The following PACRG variants were observed in gnomAD, a reference collection of about 807,000 sequenced individuals.
PACRG encodes parkin coregulated gene protein.
In PACRG, 29 loss-of-function variants were observed where a neutral mutation model predicts 29.7. That is an observed-to-expected ratio of 0.98 (90% CI 0.73 to 1.33). The LOEUF (loss-of-function observed/expected upper bound fraction) is 1.33. Ranked by LOEUF, PACRG falls within the 40% of genes most tolerant of loss-of-function variation. The pLI, the probability that PACRG is intolerant of heterozygous loss-of-function variation, is 0.00. For synonymous variants in PACRG, 116 were observed against 118.7 expected, an observed-to-expected ratio of 0.98 and a Z score of 0.15; for missense variants, 279 against 316.2, an observed-to-expected ratio of 0.88 and a Z score of 0.89.
At chr6:162,815,333 G>T (rs1367057924) in intron 2 of PACRG, among the ~76,000 whole-genome samples, 1 of 150,954 alleles carries the variant, frequency 6.6e-6, no homozygotes, top group Non-Finnish European at 1.5e-5. Context: ...AAAGTAAATA[G>T]CTTAAAAAGG....
chr6:163,211,371 G>C (rs1485118902), intron 4 of PACRG, among the ~76,000 whole-genome samples: 1 of 152,196 alleles, frequency 6.6e-6, no homozygotes, highest in African/African-American at 2.4e-5. Context: ...TAAAGGGACA[G>C]ATAGCTGAGG....
At chr6:162,783,601 C>A (rs181913097) in intron 1 of PACRG, among the ~76,000 whole-genome samples, 1 of 151,932 alleles carries the variant, frequency 6.6e-6, no homozygotes, top group Non-Finnish European at 1.5e-5. Flanking sequence ...TTAACCAAAT[C>A]TCTATGTGGA....
chr6:162,917,922 A>T (rs753021513), intron 2 of PACRG, among the ~76,000 whole-genome samples: 2 of 152,192 alleles, frequency 1.3e-5, no homozygotes, highest in African/African-American at 4.8e-5. Context: ...TTTTAGACTG[A>T]TGTACCATTC....
chr6:162,885,759 T>TGC (rs1203532653), intron 2 of PACRG, among the ~76,000 whole-genome samples: 2 of 151,840 alleles, frequency 1.3e-5, no homozygotes, highest in Admixed American at 6.6e-5. Flanking sequence ...TGTGTGTGCG[T>TGC]GCACACGTGC....
chr6:163,079,117 A>G (rs1812830900), intron 3 of PACRG, among the ~76,000 whole-genome samples: 1 of 152,170 alleles, frequency 6.6e-6, no homozygotes, highest in Non-Finnish European at 1.5e-5. Context: ...CACTGTAAGG[A>G]GTAATGAGAT....
chr6:162,818,615 A>G (rs1176570949), intron 2 of PACRG, among the ~76,000 whole-genome samples: 6 of 152,228 alleles, frequency 3.9e-5, no homozygotes, highest in Non-Finnish European at 1.5e-5. Context: ...AGAAATAACT[A>G]TATCATATTA....
At chr6:163,075,147 C>G (rs946786285) in intron 3 of PACRG, among the ~76,000 whole-genome samples, 2 of 152,102 alleles carry the variant, frequency 1.3e-5, no homozygotes, top group African/African-American at 2.4e-5. Flanking sequence ...TTGAATTGTT[C>G]ATGAAATGAT....
intron 2 of PACRG, among the ~76,000 whole-genome samples, chr6:162,905,527 T>C (rs1176915461): frequency 2.0e-5 from 3 of 152,122 alleles, no homozygotes; most frequent in Non-Finnish European, 2.9e-5. Context: ...AATAAAGAGA[T>C]TGAAGCCGAG....
chr6:163,114,860 CAA>C (rs35202954), intron 4 of PACRG, among the ~76,000 whole-genome samples: 35 of 126,934 alleles, frequency 2.8e-4, no homozygotes, highest in South Asian at 2.4e-4. Context: ...TTCTCAGCAT[CAA>C]AAAAAAAAAA....
intron 2 of PACRG, among the ~76,000 whole-genome samples, chr6:162,880,714 TAA>T (rs1282409970): frequency 2.6e-5 from 4 of 152,242 alleles, no homozygotes; most frequent in Admixed American, 6.5e-5. Context: ...TAAATTTCTA[TAA>T]ACTGTTGTGC....
At chr6:163,037,478 G>A (rs958702156) in intron 2 of PACRG, among the ~76,000 whole-genome samples, 5 of 152,204 alleles carry the variant, frequency 3.3e-5, no homozygotes, top group African/African-American at 1.2e-4. Context: ...CATAGCACCT[G>A]CTGACTGTTG....
At chr6:162,761,860 C>G (rs1452216144) in intron 1 of PACRG, among the ~76,000 whole-genome samples, 1 of 148,194 alleles carries the variant, frequency 6.7e-6, no homozygotes, top group Non-Finnish European at 1.5e-5. Flanking sequence ...TTGCTTGAAC[C>G]AGGGAGATGG....
intron 2 of PACRG, among the ~76,000 whole-genome samples, chr6:162,847,448 A>T (rs1394171592): frequency 6.6e-6 from 1 of 151,388 alleles, no homozygotes; most frequent in Admixed American, 6.6e-5. Context: ...ATGTTACTAT[A>T]GTTTGTAATA....
intron 4 of PACRG, among the ~76,000 whole-genome samples, chr6:163,128,513 T>C (rs1294263726): frequency 6.6e-6 from 1 of 152,224 alleles, no homozygotes; most frequent in Non-Finnish European, 1.5e-5. Flanking sequence ...GGCTGAGCTT[T>C]TTTAAAAATT....
At chr6:163,187,954 T>C (rs1585313887) in intron 4 of PACRG, 1 of 152,090 alleles carries the variant, frequency 6.6e-6, no homozygotes, top group Non-Finnish European at 1.5e-5. Context: ...ACCAAATAAA[T>C]TGTCCACTCT....
In PACRG at chr6:163,196,630, T is replaced by G. The variant is rs982056166; in HGVS notation, c.613+107222T>G. 5.8e-4 allele frequency among the ~76,000 whole-genome samples: 88 copies of G among 152,304 alleles called. 1 individual carries two copies. Among genetic ancestry groups the G allele is most frequent in the African/African-American group, 1.8e-3 (76 of 41,560 alleles). On this transcript the variant is annotated intron_variant, in intron 4 of 4. Transcript: ENST00000366888. Reference sequence around the variant, plus strand: ...TTGACAGAATTCAGTGAGACTTCAGTGATGGTTTCTTGAAAGAGTCACTTA... The same window carrying G: ...TTGACAGAATTCAGTGAGACTTCAGGGATGGTTTCTTGAAAGAGTCACTTA...
At chr6:163,208,716 C>G (rs80302526) in intron 4 of PACRG, among the ~76,000 whole-genome samples, 5,548 of 152,200 alleles carry the variant, frequency 0.036, 132 homozygotes, top group Non-Finnish European at 0.058. Context: ...TGTGAACTAA[C>G]TTGGAGAAAG....
chr6:163,231,356 C>T (rs140677982), intron 4 of PACRG, among the ~76,000 whole-genome samples: 22 of 152,334 alleles, frequency 1.4e-4, no homozygotes, highest in Non-Finnish European at 7.3e-5. Flanking sequence ...TTAATCACAT[C>T]CTGCTCGAAC....
chr6:163,241,577 C>T (rs575862906), intron 4 of PACRG, among the ~76,000 whole-genome samples: 1 of 152,244 alleles, frequency 6.6e-6, no homozygotes, highest in East Asian at 1.9e-4. Context: ...GCTGAGCTGG[C>T]AGCTGAAAAG....
Sources: allele counts gnomAD v4.1 joint callset (sites outside exome capture counted in the v4.1 genomes callset), GRCh38; gene constraint gnomAD v4.1.1; transcripts MANE v1.5; gene names NCBI Gene and HGNC (gene_info 2026-07-23, HGNC 2026-07-21).